The following PDE7B variants were observed in gnomAD, a reference collection of about 807,000 sequenced individuals.
PDE7B encodes the protein 3',5'-cyclic-AMP phosphodiesterase 7B.
Under a neutral mutation model 56.2 loss-of-function variants are expected in PDE7B, and 29 were observed. That is an observed-to-expected ratio of 0.52 (90% CI 0.38 to 0.70). PDE7B has a LOEUF of 0.70. Among genes scored for constraint, PDE7B ranks in the 30% least tolerant of loss-of-function variants. The pLI, the probability that PDE7B is intolerant of heterozygous loss-of-function variation, is 0.00. For synonymous variants in PDE7B, 197 were observed against 196.9 expected (o/e 1.00, Z 0.00); for missense variants, 490 against 565.0 (o/e 0.87, Z 1.35).
At chr6:135,924,665 T>TTTTG (rs1398070329) in intron 1 of PDE7B, among the ~76,000 whole-genome samples, 2 of 120,874 alleles carry the variant, frequency 1.7e-5, no homozygotes, top group African/African-American at 8.6e-5. Flanking sequence ...CTCTAAGTAT[T>TTTTG]TTTGTTTTTC....
intron 1 of PDE7B, among the ~76,000 whole-genome samples, chr6:135,895,807 G>A (rs1368450759): frequency 6.6e-6 from 1 of 152,096 alleles, no homozygotes; most frequent in African/African-American, 2.4e-5. Context: ...GGGAAAAAAG[G>A]CAGAAAGGGA....
intron 10 of PDE7B, among the ~76,000 whole-genome samples, chr6:136,180,016 CTT>C (rs113518807): frequency 0.011 from 1,610 of 152,308 alleles, 34 homozygotes; most frequent in African/African-American, 0.037. Flanking sequence ...TCCATTTTCT[CTT>C]GTCTTCCTTC....
chr6:135,935,993 C>G (rs75369505), intron 1 of PDE7B, among the ~76,000 whole-genome samples: 5 of 152,192 alleles, frequency 3.3e-5, no homozygotes, highest in African/African-American at 1.2e-4. Context: ...ATGCCCTTCT[C>G]CCTATGCAAA....
intron 3 of PDE7B, among the ~76,000 whole-genome samples, chr6:136,120,414 A>G (rs1006973457): frequency 2.0e-5 from 3 of 152,144 alleles, no homozygotes; most frequent in African/African-American, 7.2e-5. Flanking sequence ...AGCTGAAATC[A>G]TGGTGAGAAG....
intron 1 of PDE7B, among the ~76,000 whole-genome samples, chr6:135,898,175 G>A (rs145957207): frequency 2.2e-4 from 33 of 152,166 alleles, no homozygotes; most frequent in East Asian, 1.9e-3. Flanking sequence ...CATTTTGTTC[G>A]CAAGGAGGAA....
intron 1 of PDE7B, among the ~76,000 whole-genome samples, chr6:135,863,445 A>G (rs1775189334): frequency 6.6e-6 from 1 of 152,062 alleles, no homozygotes; most frequent in African/African-American, 2.4e-5. Context: ...TGGGGAGCCA[A>G]AACCCTTAGA....
At chr6:136,133,300 T>A (rs1004455635) in intron 3 of PDE7B, among the ~76,000 whole-genome samples, 13 of 151,648 alleles carry the variant, frequency 8.6e-5, no homozygotes, top group Non-Finnish European at 1.5e-4. Context: ...AGGTTTTCTT[T>A]CTGGAAGTTT....
At chr6:136,080,594 TG>T (rs1777190949) in intron 2 of PDE7B, among the ~76,000 whole-genome samples, 1 of 152,250 alleles carries the variant, frequency 6.6e-6, no homozygotes, top group Non-Finnish European at 1.5e-5. Context: ...GTCATATCTC[TG>T]CTTATGAGCC....
chr6:136,189,818 T>A (rs1295644731), intron 12 of PDE7B, among the ~76,000 whole-genome samples: 1 of 151,660 alleles, frequency 6.6e-6, no homozygotes, highest in East Asian at 2.0e-4. Context: ...AACACACTGA[T>A]GGAACAGGTT....
In PDE7B at chr6:135,935,185, T is replaced by TA. The variant is rs1491342779; in HGVS notation, c.22-12279_22-12278insA. ...AGACAGAGAATTTTATATATATATA[T>TA]TTATTTATATATATATATATATATA... On this transcript the variant is annotated intron_variant, in intron 1 of 12. Transcript: ENST00000308191. Among the ~76,000 whole-genome samples, 262 of 52,588 alleles carry TA rather than the reference T, an allele frequency of 5.0e-3. 23 individuals are homozygous for TA. Among genetic ancestry groups the TA allele is most frequent in the African/African-American group, 0.03 (256 of 8,492 alleles). 34.5% of individuals were successfully genotyped at this position (52,588 alleles called of 152,430 possible). A position where few individuals can be genotyped will look rare whatever the true frequency, so the allele number is the denominator to read the frequency against.
At chr6:135,966,882 G>T (rs917716098) in intron 2 of PDE7B, among the ~76,000 whole-genome samples, 9 of 152,154 alleles carry the variant, frequency 5.9e-5, no homozygotes, top group African/African-American at 2.2e-4. Context: ...CAATTATTGA[G>T]CATCTACTGT....
chr6:136,153,482 T>C (rs1778558382), intron 6 of PDE7B, among the ~76,000 whole-genome samples: 1 of 152,144 alleles, frequency 6.6e-6, no homozygotes, highest in East Asian at 1.9e-4. Flanking sequence ...AGCCTTACAT[T>C]AGACTGCAGG....
chr6:135,881,374 G>T (rs1023065131), intron 1 of PDE7B, among the ~76,000 whole-genome samples: 6 of 151,638 alleles, frequency 4.0e-5, no homozygotes, highest in Non-Finnish European at 5.9e-5. Flanking sequence ...TGGGTGTGGT[G>T]GTGCATGCCT....
In PDE7B at chr6:135,962,606, T is replaced by C. The variant is rs6927015; in HGVS notation, c.82+15082T>C. 3.3e-3 allele frequency among the ~76,000 whole-genome samples: 504 copies of C among 152,274 alleles called. 2 individuals are homozygous for C. The highest frequency in any genetic ancestry group is 0.012 in the African/African-American group (482 of 41,548). The stretch of plus-strand genomic sequence containing the variant: ...CTAAGAGTACAAAGGGTGTTTCTTA[T>C]TGTTTGTTTGCATTACTAAAACCTA... On this transcript the variant is annotated intron_variant, in intron 2 of 12. Coordinates refer to ENST00000308191, the MANE Select transcript of PDE7B (RefSeq NM_018945.4).
intron 9 of PDE7B, among the ~76,000 whole-genome samples, chr6:136,176,877 A>G (rs764694414): frequency 5.3e-5 from 8 of 152,200 alleles, no homozygotes; most frequent in Non-Finnish European, 8.8e-5. Flanking sequence ...GAGAAATAAT[A>G]TCACATTGTG....
chr6:135,942,875 A>G (rs1008426162), intron 1 of PDE7B, among the ~76,000 whole-genome samples: 1 of 150,446 alleles, frequency 6.6e-6, no homozygotes, highest in African/African-American at 2.4e-5. Flanking sequence ...GTGTGTGTGT[A>G]TCTATATCAC....
chr6:136,029,480 C>T (rs751835976), intron 2 of PDE7B, among the ~76,000 whole-genome samples: 2 of 152,054 alleles, frequency 1.3e-5, no homozygotes, highest in East Asian at 1.9e-4. Context: ...AGAATGTTAA[C>T]GTCAAATGCA....
intron 1 of PDE7B, among the ~76,000 whole-genome samples, chr6:135,926,753 G>A (rs1774199406): frequency 6.6e-6 from 1 of 152,112 alleles, no homozygotes; most frequent in Admixed American, 6.5e-5. Context: ...GGCATGTCCT[G>A]AACCCCATCC....
intron 6 of PDE7B, among the ~76,000 whole-genome samples, chr6:136,152,128 C>G (rs1333107965): frequency 6.6e-6 from 1 of 152,018 alleles, no homozygotes; most frequent in Non-Finnish European, 1.5e-5. Context: ...AATCTGAGTA[C>G]AAGTGGACTC....
Sources: allele counts gnomAD v4.1 joint callset (sites outside exome capture counted in the v4.1 genomes callset), GRCh38; gene constraint gnomAD v4.1.1; transcripts MANE v1.5; gene names NCBI Gene and HGNC (gene_info 2026-07-23, HGNC 2026-07-21).